The following MYO1B variants were observed in gnomAD, a reference collection of about 807,000 sequenced individuals.
The protein encoded by MYO1B is myosin IB, also known as unconventional myosin-Ib.
A neutral mutation model predicts 159.7 loss-of-function variants in MYO1B; 72 were observed. That is an observed-to-expected ratio of 0.45 (90% confidence interval 0.37 to 0.55). The LOEUF (loss-of-function observed/expected upper bound fraction) is 0.55, where lower values mean the gene tolerates loss of function less well. MYO1B is among the 20% of genes least tolerant of loss of function. MYO1B has a pLI of 0.00. For missense variants in MYO1B, 1,062 were observed against 1,364.8 expected (o/e 0.78, Z 3.50); for synonymous variants, 468 against 473.8 (o/e 0.99, Z 0.16).
intron 24 of MYO1B, among the ~76,000 whole-genome samples, chr2:191,405,147 T>A (rs985256240): frequency 1.4e-4 from 22 of 152,248 alleles, no homozygotes; most frequent in African/African-American, 5.3e-4. Context: ...GTTCACAGCA[T>A]CTTCATCAGG....
intron 11 of MYO1B, among the ~76,000 whole-genome samples, chr2:191,366,126 G>C (rs568385983): frequency 3.3e-5 from 5 of 152,302 alleles, no homozygotes; most frequent in South Asian, 4.1e-4. Context: ...TGTTAAGTCT[G>C]TAAGGAAGCC....
intron 13 of MYO1B, among the ~76,000 whole-genome samples, chr2:191,376,762 G>C (rs978881536): frequency 2.6e-5 from 4 of 152,070 alleles, no homozygotes; most frequent in Non-Finnish European, 5.9e-5. Context: ...CCATTTCTCT[G>C]TCCCAAATAC....
chr2:191,410,990 T>G, intron 26 of MYO1B, 76 bp from the exon 27 acceptor site: 1 of 830,682 alleles, frequency 1.2e-6, no homozygotes, highest in South Asian at 2.0e-5. Context: ...TGATAAATTG[T>G]CTTAGCATAT....
intron 28 of MYO1B, 133 bp downstream of exon 28, chr2:191,414,313 C>G: frequency 2.5e-6 from 3 of 1,215,170 alleles, no homozygotes; most frequent in Non-Finnish European, 2.3e-6. Flanking sequence ...TTCCCCTTAC[C>G]TTTAAGCTTA....
At chr2:191,301,098 T>C (rs1689300602) in intron 3 of MYO1B, among the ~76,000 whole-genome samples, 1 of 152,160 alleles carries the variant, frequency 6.6e-6, no homozygotes, top group Admixed American at 6.5e-5. Flanking sequence ...TGAAGCCACA[T>C]CTTTGAGCAG....
At chr2:191,365,598 A>G (rs1231323726) in intron 11 of MYO1B, among the ~76,000 whole-genome samples, 1 of 152,206 alleles carries the variant, frequency 6.6e-6, no homozygotes, top group Non-Finnish European at 1.5e-5. Context: ...GAAGTAACTT[A>G]CTTAATCAAG....
At chr2:191,260,596 T>A (rs1686754002) in intron 1 of MYO1B, among the ~76,000 whole-genome samples, 1 of 152,190 alleles carries the variant, frequency 6.6e-6, no homozygotes, top group African/African-American at 2.4e-5. Context: ...CTACTTACAA[T>A]AGAAGCACCC....
intron 14 of MYO1B, among the ~76,000 whole-genome samples, 165 bp downstream of exon 14, chr2:191,381,731 A>C (rs534301315): frequency 2.6e-5 from 4 of 152,316 alleles, no homozygotes; most frequent in East Asian, 1.9e-4. Flanking sequence ...CTGATTACCT[A>C]TAAGAAGCTA....
chr2:191,393,310 T>G (rs1408722319), intron 20 of MYO1B, 88 bp downstream of exon 20: 4 of 1,421,298 alleles, frequency 2.8e-6, no homozygotes, highest in Non-Finnish European at 3.8e-6. Flanking sequence ...GATTTTTACA[T>G]ACTTAATTCT....
At chr2:191,275,955 A>C (rs1041218409) in intron 1 of MYO1B, among the ~76,000 whole-genome samples, 5 of 152,224 alleles carry the variant, frequency 3.3e-5, no homozygotes, top group African/African-American at 1.2e-4. Flanking sequence ...GGGGATTACC[A>C]TTCTGCTGTT....
intron 20 of MYO1B, among the ~76,000 whole-genome samples, chr2:191,395,429 A>G (rs1399291974): frequency 6.6e-6 from 1 of 152,248 alleles, no homozygotes; most frequent in Non-Finnish European, 1.5e-5. Flanking sequence ...ATAGCCTGGT[A>G]GCCTGGGAAG....
At position 191,312,757 on chromosome 2, in the gene MYO1B, A is replaced by G. The variant is rs1224412172; in HGVS notation, c.251+16531A>G. On this transcript the variant is annotated intron_variant, in intron 3 of 30. Transcript: ENST00000392318. Reference sequence around the variant, plus strand: ...TTTAAAAAGTGATGAATACAGAAATATAAATAGAAGTTCTGATGTTTATAT... The same window carrying G: ...TTTAAAAAGTGATGAATACAGAAATGTAAATAGAAGTTCTGATGTTTATAT... Among the ~76,000 whole-genome samples, 5 of 152,260 alleles carry G rather than the reference A, an allele frequency of 3.3e-5. No individual in the cohort carries two copies. In the East Asian group the frequency reaches 9.6e-4, roughly 29 times the overall value.
chr2:191,275,553 A>G (rs1687701359), intron 1 of MYO1B, among the ~76,000 whole-genome samples: 1 of 152,192 alleles, frequency 6.6e-6, no homozygotes, highest in South Asian at 2.1e-4. Context: ...TCTAGACTAG[A>G]AGTGGGGGAC....
intron 2 of MYO1B, among the ~76,000 whole-genome samples, chr2:191,289,483 G>A (rs1014196079): frequency 6.6e-5 from 10 of 152,150 alleles, no homozygotes; most frequent in African/African-American, 2.4e-4. Flanking sequence ...AGGTGTGTAT[G>A]TGTATATTCT....
chr2:191,395,262 C>G (rs1430511923), intron 20 of MYO1B, among the ~76,000 whole-genome samples: 1 of 152,082 alleles, frequency 6.6e-6, no homozygotes, highest in African/African-American at 2.4e-5. Flanking sequence ...AGAGATTTTC[C>G]ACCTCTTCAT....
chr2:191,356,126 G>A (rs1442120571), intron 7 of MYO1B, among the ~76,000 whole-genome samples: 2 of 152,096 alleles, frequency 1.3e-5, no homozygotes, highest in Admixed American at 6.5e-5. Context: ...GAAACTGCCT[G>A]TTAGAACACT....
intron 26 of MYO1B, among the ~76,000 whole-genome samples, chr2:191,410,762 G>T (rs1671951759): frequency 6.6e-6 from 1 of 152,140 alleles, no homozygotes; most frequent in African/African-American, 2.4e-5. Context: ...ACAGCCTCAG[G>T]ACTAGAGGAT....
At chr2:191,300,827 T>C (rs972584123) in intron 3 of MYO1B, among the ~76,000 whole-genome samples, 4 of 152,024 alleles carry the variant, frequency 2.6e-5, no homozygotes, top group African/African-American at 9.7e-5. Flanking sequence ...AGCATCCAGA[T>C]ACTTTTGTAA....
rs767181125 is a variant in MYO1B at position 191,423,909 on chromosome 2, C to T, written c.3360C>T (p.Val1120=). The T allele has an allele frequency of 5.1e-5, 82 of 1,613,826 alleles. No homozygotes were observed. The highest frequency in any genetic ancestry group is 6.4e-5 in the Non-Finnish European group (76 of 1,179,898). Residue 1120 remains valine (V), a synonymous_variant, in exon 31 of 31, where the codon GTC becomes GTT. Coordinates refer to ENST00000392318, the MANE Select transcript of MYO1B (RefSeq NM_001130158.3). Reference sequence around the variant, plus strand: ...AGGGAAACCAGAAAAATGGGAGTGTCCCAACATGTAAACGAAAAAACAACC... The same window carrying T: ...AGGGAAACCAGAAAAATGGGAGTGTTCCAACATGTAAACGAAAAAACAACC... ...FIQGNQKNGS[V]PTCKRKNNRL... is the part of the protein sequence containing the mutation.
Sources: allele counts gnomAD v4.1 joint callset (sites outside exome capture counted in the v4.1 genomes callset), GRCh38; gene constraint gnomAD v4.1.1; transcripts MANE v1.5; gene names NCBI Gene and HGNC (gene_info 2026-07-23, HGNC 2026-07-21).